Variants in LGMN observed in about 807,000 individuals in gnomAD.
LGMN encodes the protein legumain, also known as asparaginyl endopeptidase.
In LGMN, 36 loss-of-function variants were observed where a neutral mutation model predicts 56.8. The ratio of observed to expected loss-of-function variants is 0.63; its 90% CI spans 0.49 to 0.84. The LOEUF is 0.84. Among genes scored for constraint, LGMN ranks in the 40% least tolerant of loss-of-function variants. LGMN has a pLI of 0.00. For missense variants in LGMN, 446 were observed against 556.1 expected (o/e 0.80, Z 1.99); for synonymous variants, 199 against 210.1 (o/e 0.95, Z 0.46).
At chr14:92,712,632 C>T (rs2140215569) in intron 8 of LGMN, 173 bp downstream of exon 8, 1 of 619,252 alleles carries the variant, frequency 1.6e-6, no homozygotes, top group Non-Finnish European at 2.9e-6. Context: ...TCCCTGACTA[C>T]CAGTGCTTCA....
rs1555397591 is a variant in LGMN at position 92,715,214 on chromosome 14, G to GTGT, written c.405-764_405-763insACA. 3.0e-4 allele frequency among the ~76,000 whole-genome samples: 44 copies of GTGT among 149,032 alleles called. No individual in the cohort carries two copies. In the East Asian group the frequency reaches 6.0e-3, roughly 20 times the overall value. ...GGGATTCACACTGTTGGTCAGGGTG[G>GTGT]GTGTGTGTGTGTGTGTGTGTTTGAG... On this transcript the variant is annotated intron_variant, in intron 5 of 13. Coordinates refer to ENST00000334869, the MANE Select transcript of LGMN (RefSeq NM_005606.7).
Position 92,709,683 on chromosome 14 carries a change from G to T in LGMN, c.1009C>A (p.Arg337=). 1 of 1,612,914 alleles carries T rather than the reference G, an allele frequency of 6.2e-7. No homozygotes were observed. The highest frequency in any genetic ancestry group is 8.5e-7 in the Non-Finnish European group (1 of 1,179,520). Residue 337 remains arginine, a synonymous_variant, in exon 11 of 14, where the codon CGG becomes AGG. Transcript: ENST00000334869. ...ESRQLTEEIQ[R]HLDARHLIEK... is the part of the protein sequence containing the mutation. ...TCACCACTACTCACATCCAGATGCC[G>T]CTGGATCTCCTCCGTGAGCTGCCTG...
At chr14:92,744,597 T>G (rs1298344790) in intron 1 of LGMN, among the ~76,000 whole-genome samples, 2 of 148,084 alleles carry the variant, frequency 1.4e-5, no homozygotes, top group Non-Finnish European at 3.0e-5. Flanking sequence ...TCCTTTAGTT[T>G]TTTTTTTTTT....
chr14:92,730,078 T>C (rs556172787), intron 2 of LGMN, among the ~76,000 whole-genome samples: 2 of 152,354 alleles, frequency 1.3e-5, no homozygotes, highest in South Asian at 2.1e-4. Flanking sequence ...GCTGGTTGTA[T>C]AAAAATCACG....
At chr14:92,742,365 T>G in intron 1 of LGMN, among the ~76,000 whole-genome samples, 1 of 144,844 alleles carries the variant, frequency 6.9e-6, no homozygotes, top group South Asian at 2.3e-4. Context: ...TGGAGTGATC[T>G]CAGCTCACTG....
At chr14:92,725,294 A>G (rs1034721934) in intron 2 of LGMN, among the ~76,000 whole-genome samples, 1 of 152,178 alleles carries the variant, frequency 6.6e-6, no homozygotes, top group African/African-American at 2.4e-5. Context: ...GTGGCCTGTA[A>G]TCTGAGCACT....
intron 1 of LGMN, among the ~76,000 whole-genome samples, chr14:92,747,035 CAAAAAAA>C: frequency 1.3e-5 from 1 of 78,964 alleles, no homozygotes; most frequent in East Asian, 4.0e-4. Flanking sequence ...GACTCCGTCT[CAAAAAAA>C]AAAAAAAAAA....
intron 11 of LGMN, among the ~76,000 whole-genome samples, chr14:92,706,933 C>G (rs537007128): frequency 6.6e-6 from 1 of 152,326 alleles, no homozygotes; most frequent in East Asian, 1.9e-4. Flanking sequence ...GTGGCAGAAC[C>G]TGTGCCCCAA....
intron 2 of LGMN, among the ~76,000 whole-genome samples, chr14:92,725,043 C>A (rs1057448513): frequency 2.0e-5 from 3 of 152,158 alleles, no homozygotes; most frequent in African/African-American, 7.2e-5. Context: ...GTAGTTTGTT[C>A]AAACTTACAC....
intron 11 of LGMN, among the ~76,000 whole-genome samples, chr14:92,708,065 C>A (rs908640257): frequency 3.2e-4 from 48 of 151,418 alleles, no homozygotes; most frequent in Non-Finnish European, 6.6e-4. Context: ...GCAGGAGAAT[C>A]GCTTGAACCC....
Position 92,704,270 on chromosome 14 carries a change from ACAGT to A in LGMN, c.*45_*48del. The A allele has an allele frequency of 6.2e-7, 1 of 1,613,646 alleles. No homozygotes were observed. Among genetic ancestry groups the A allele is most frequent in the African/African-American group, 1.3e-5 (1 of 75,020 alleles). ...CACCTCTCCAGTCTCTGATCAGCAC[ACAGT>A]CGGTGGGGCGCTCACACTTGGAAAA... is the stretch of plus-strand genomic sequence containing the variant. On this transcript the variant is annotated 3_prime_UTR_variant, in exon 14 of 14. Transcript: ENST00000334869.
chr14:92,711,612 C>T, intron 10 of LGMN, 47 bp downstream of exon 10: 1 of 1,504,732 alleles, frequency 6.6e-7, no homozygotes, highest in South Asian at 1.1e-5. Context: ...GCAAGTCCAC[C>T]TAGGACACAA....
intron 7 of LGMN, among the ~76,000 whole-genome samples, chr14:92,713,598 CA>C (rs538106535): frequency 1.8e-3 from 277 of 152,332 alleles, no homozygotes; most frequent in African/African-American, 6.4e-3. Flanking sequence ...CCTACTGGGT[CA>C]AACTCTGGGG....
intron 2 of LGMN, among the ~76,000 whole-genome samples, chr14:92,728,298 G>A (rs963928072): frequency 1.7e-4 from 26 of 152,254 alleles, no homozygotes; most frequent in African/African-American, 6.3e-4. Flanking sequence ...CCTCATATAC[G>A]CAGATCACGA....
At chr14:92,706,746 TC>T in intron 11 of LGMN, 93 bp from the exon 12 acceptor site, 2 of 1,189,864 alleles carry the variant, frequency 1.7e-6, no homozygotes, top group Non-Finnish European at 2.3e-6. Flanking sequence ...AAGGCTACTC[TC>T]CACACAGCCC....
intron 1 of LGMN, among the ~76,000 whole-genome samples, chr14:92,748,121 G>A (rs1302073733): frequency 6.6e-6 from 1 of 152,106 alleles, no homozygotes; most frequent in Non-Finnish European, 1.5e-5. Context: ...CTGTTCCTAG[G>A]TCGTAAAGGC....
chr14:92,723,132 C>T (rs750400929), intron 2 of LGMN, among the ~76,000 whole-genome samples: 5 of 151,952 alleles, frequency 3.3e-5, no homozygotes, highest in South Asian at 2.1e-4. Context: ...CTGCAACCTC[C>T]GCCTCCCGGG....
intron 2 of LGMN, among the ~76,000 whole-genome samples, chr14:92,728,370 A>G (rs1276481684): frequency 6.6e-6 from 1 of 152,220 alleles, no homozygotes; most frequent in Non-Finnish European, 1.5e-5. Context: ...AGCTAAGGTG[A>G]TAATGTTTGT....
intron 11 of LGMN, among the ~76,000 whole-genome samples, chr14:92,709,299 C>A (rs1442746137): frequency 6.6e-6 from 1 of 152,104 alleles, no homozygotes; most frequent in Non-Finnish European, 1.5e-5. Context: ...GCCACCGTAC[C>A]TGTCTCTGGA....
Sources: gnomAD v4.1 joint callset for allele counts (sites outside exome capture counted in the v4.1 genomes callset) on GRCh38, gnomAD v4.1.1 for gene constraint, MANE v1.5 for transcripts, NCBI Gene and HGNC (gene_info 2026-07-23, HGNC 2026-07-21) for gene names.